Variants in BICRA observed in about 807,000 individuals in gnomAD.
BICRA encodes BRD4-interacting chromatin-remodeling complex-associated protein.
In BICRA, 31 loss-of-function variants were observed where a neutral mutation model predicts 96.9. The ratio of observed to expected loss-of-function variants is 0.32; its 90% CI spans 0.24 to 0.43. The LOEUF (loss-of-function observed/expected upper bound fraction) is 0.43. BICRA is among the 20% of genes least tolerant of loss of function. The pLI, the probability that BICRA is intolerant of heterozygous loss-of-function variation, is 1.00. For missense variants in BICRA, 2,283 were observed against 2,190.3 expected (o/e 1.04, Z -0.84); for synonymous variants, 1,350 against 1,071.8 (o/e 1.26, Z -5.07).
rs1973008425 is a variant in BICRA at position 47,680,034 on chromosome 19, C to T, written c.864C>T (p.Val288=). The T allele has an allele frequency of 6.5e-7, 1 of 1,546,826 alleles. No homozygotes were observed. The highest frequency in any genetic ancestry group is 8.6e-7 in the Non-Finnish European group (1 of 1,157,448). ...AGVSPQGAGL[V]IQKNLSAAVA... ...TCTCGCCACAGGGGGCTGGCCTGGT[C>T]ATCCAGAAGAACCTCTCGGCCGCTG... The change falls in exon 6 of 15, where the codon GTC becomes GTT. Residue 288 remains valine, a synonymous_variant. Transcript: ENST00000594866.
chr19:47,627,872 C>T (rs112681098), intron 1 of BICRA, among the ~76,000 whole-genome samples: 5 of 152,242 alleles, frequency 3.3e-5, no homozygotes, highest in Non-Finnish European at 5.9e-5. Flanking sequence ...CGGGTTCAAG[C>T]GATTCTTCTG....
intron 1 of BICRA, 78 bp from the exon 2 acceptor site, chr19:47,670,365 C>T (rs996117290): frequency 6.6e-6 from 1 of 152,320 alleles, no homozygotes; most frequent in Non-Finnish European, 1.5e-5. Context: ...CATCCCATAG[C>T]TCTGTCCGTC....
intron 1 of BICRA, among the ~76,000 whole-genome samples, chr19:47,644,270 C>T (rs1026729442): frequency 1.3e-5 from 2 of 152,114 alleles, no homozygotes; most frequent in African/African-American, 4.8e-5. Flanking sequence ...AGTGATTCTC[C>T]TGCCTCAGGC....
At position 47,694,361 on chromosome 19, in the gene BICRA, C is replaced by A; in HGVS notation, c.2530C>A (p.Pro844Thr). The A allele has an allele frequency of 2.5e-6, 3 of 1,214,250 alleles. No homozygotes were observed. The highest frequency in any genetic ancestry group is 3.5e-6 in the Non-Finnish European group (3 of 864,126). The allele number at this position is 1,214,250 out of a possible 1,614,324, so 75.2% of individuals were successfully genotyped here. ...TGTCATCCAAAACCAGCTAGGCGTT[C>A]CCCCGCCTGCCAGCAACCCGGCCCC... The part of the protein sequence containing the change: ...IFVIQNQLGV[P>T]PPASNPAPTA... The change falls in exon 8 of 15, where the codon CCC becomes ACC. Residue 844 changes from proline (P) to threonine (T), a missense_variant. By Grantham distance (38) the Pro-to-Thr change is conservative. Coordinates refer to ENST00000594866, the MANE Select transcript of BICRA (RefSeq NM_001394372.1).
At chr19:47,664,810 A>C (rs2123565133) in intron 1 of BICRA, among the ~76,000 whole-genome samples, 1 of 152,294 alleles carries the variant, frequency 6.6e-6, no homozygotes, top group African/African-American at 2.4e-5. Context: ...TCTGGAACTC[A>C]GGGGAACTAT....
At chr19:47,658,183 A>AG (rs1972649460) in intron 1 of BICRA, among the ~76,000 whole-genome samples, 1 of 152,200 alleles carries the variant, frequency 6.6e-6, no homozygotes, top group African/African-American at 2.4e-5. Context: ...GCCAAGGAGC[A>AG]GGGGTCTGCA....
chr19:47,695,619 C>A, intron 10 of BICRA, 145 bp downstream of exon 10: 2 of 607,926 alleles, frequency 3.3e-6, no homozygotes, highest in South Asian at 2.0e-5. Flanking sequence ...CACGAACAGC[C>A]GTGCAGGGAC....
At chr19:47,611,604 G>A (rs776959414) in intron 1 of BICRA, among the ~76,000 whole-genome samples, 3 of 152,180 alleles carry the variant, frequency 2.0e-5, no homozygotes, top group African/African-American at 7.2e-5. Context: ...CCTGTGACCC[G>A]CTGTCGCTTT....
chr19:47,610,020 C>A (rs569726858), intron 1 of BICRA, among the ~76,000 whole-genome samples: 4 of 152,292 alleles, frequency 2.6e-5, no homozygotes, highest in Admixed American at 2.6e-4. Context: ...GGCCCCCCAT[C>A]TCCTACCCCT....
intron 1 of BICRA, among the ~76,000 whole-genome samples, chr19:47,620,496 G>A (rs1211442516): frequency 1.3e-5 from 2 of 151,532 alleles, no homozygotes; most frequent in Admixed American, 6.6e-5. Context: ...GTGAAACCCC[G>A]TCTCTACAAA....
rs140267657 is a variant in BICRA, at chr19:47,615,375, T to C, written c.-108+6207T>C. 1.7e-3 allele frequency among the ~76,000 whole-genome samples: 258 copies of C among 152,322 alleles called. 1 individual carries two copies. Among genetic ancestry groups the C allele is most frequent in the African/African-American group, 5.9e-3 (245 of 41,570 alleles). On this transcript the variant is annotated intron_variant, in intron 1 of 14. Transcript: ENST00000594866. ...AGGCAGCATCTCCAGGCTGCACGTG[T>C]CTTTGCCTCAGGTGACCTCCTTGTG... is the stretch of plus-strand genomic sequence containing the variant.
chr19:47,651,449 G>A lies in BICRA; in HGVS notation c.-107-18994G>A, dbSNP rs536556789. Among the ~76,000 whole-genome samples the A allele has an allele frequency of 3.9e-5, 6 of 152,112 alleles. No homozygotes were observed. In the South Asian group the frequency reaches 1.2e-3, roughly 32 times the overall value. On this transcript the variant is annotated intron_variant, in intron 1 of 14. Coordinates refer to ENST00000594866, the MANE Select transcript of BICRA (RefSeq NM_001394372.1). ...CCCTTACCTCCTGCACATCCTGTAT[G>A]TACCCCAGCCCTCCCCAACCCATTC...
chr19:47,693,025 G>A (rs1411471380), intron 7 of BICRA, among the ~76,000 whole-genome samples: 1 of 152,232 alleles, frequency 6.6e-6, no homozygotes, highest in East Asian at 1.9e-4. Context: ...TGTGAAATGG[G>A]TCCAGTGTTA....
chr19:47,612,902 G>A (rs1234207056), intron 1 of BICRA, among the ~76,000 whole-genome samples: 1 of 151,928 alleles, frequency 6.6e-6, no homozygotes, highest in African/African-American at 2.4e-5. Context: ...CCTCCTTTAA[G>A]TGCAGTTATT....
Position 47,698,586 on chromosome 19 carries a change from T to TCCCCCC in BICRA, c.3249-46_3249-41dup. ...AGGGACTTCCCCTGGCCCTCACCCG[T>TCCCCCC]CCCCCCCACCCTCCGCCGTGTGTGG... On this transcript the variant is annotated intron_variant, in intron 11 of 14. Transcript: ENST00000594866. This position sits in a 1 kb window ranked among gnomAD's most constrained non-coding sequence, Gnocchi z 4.8. 1 of 716,710 alleles carries TCCCCCC rather than the reference T, an allele frequency of 1.4e-6. No homozygotes were observed. Among genetic ancestry groups the TCCCCCC allele is most frequent in the East Asian group, 2.9e-5 (1 of 34,894 alleles). 44.4% of individuals were successfully genotyped at this position (716,710 alleles called of 1,614,324 possible).
intron 1 of BICRA, among the ~76,000 whole-genome samples, chr19:47,617,861 T>C (rs1972008527): frequency 6.6e-6 from 1 of 152,130 alleles, no homozygotes; most frequent in African/African-American, 2.4e-5. Flanking sequence ...AGATATCATA[T>C]CATTTCCATT....
intron 1 of BICRA, among the ~76,000 whole-genome samples, chr19:47,613,531 T>C (rs1172763146): frequency 2.6e-5 from 4 of 152,004 alleles, no homozygotes; most frequent in Admixed American, 2.0e-4. Flanking sequence ...CCTCACTTAG[T>C]AGAAACAAGA....
At chr19:47,673,228 C>T (rs1449909728) in intron 2 of BICRA, among the ~76,000 whole-genome samples, 1 of 152,154 alleles carries the variant, frequency 6.6e-6, no homozygotes, top group Non-Finnish European at 1.5e-5. Flanking sequence ...CAGTTCTCAT[C>T]TGCAAAGTAC....
chr19:47,685,808 C>T (rs1973148456), intron 7 of BICRA, among the ~76,000 whole-genome samples: 1 of 148,784 alleles, frequency 6.7e-6, no homozygotes, highest in Admixed American at 6.7e-5. Context: ...CGCATGCGTA[C>T]ATTTTCCCTT....
Sources: gnomAD v4.1 joint callset for allele counts (sites outside exome capture counted in the v4.1 genomes callset) on GRCh38, gnomAD v4.1.1 for gene constraint, Gnocchi (gnomAD v3.1) non-coding constraint, MANE v1.5 for transcripts, NCBI Gene and HGNC (gene_info 2026-07-23, HGNC 2026-07-21) for gene names.